Variants in CDH4 observed in about 807,000 individuals in gnomAD.
CDH4 encodes the protein cadherin 4.
CDH4 carries 33 observed loss-of-function variants against 86.0 expected under a neutral mutation model. That is an observed-to-expected ratio of 0.38 (90% CI 0.29 to 0.51). The LOEUF (loss-of-function observed/expected upper bound fraction) is 0.51. CDH4 is among the 20% of genes least tolerant of loss of function. CDH4 has a pLI of 0.86. For synonymous variants in CDH4, 555 were observed against 549.4 expected (o/e 1.01, Z -0.14); for missense variants, 1,114 against 1,307.4 (o/e 0.85, Z 2.28).
chr20:61,778,608 C>T (rs1978371350), intron 4 of CDH4, among the ~76,000 whole-genome samples: 1 of 152,018 alleles, frequency 6.6e-6, no homozygotes, highest in Admixed American at 6.5e-5. Flanking sequence ...GGTGGTTCTG[C>T]CACTGGAATC....
chr20:61,679,072 G>T (rs942053092), intron 2 of CDH4, among the ~76,000 whole-genome samples: 1 of 152,162 alleles, frequency 6.6e-6, no homozygotes, highest in Non-Finnish European at 1.5e-5. Flanking sequence ...TGTTCCTGCC[G>T]CACCCAGAGC....
At chr20:61,886,713 C>T (rs1390409807) in intron 7 of CDH4, among the ~76,000 whole-genome samples, 2 of 152,176 alleles carry the variant, frequency 1.3e-5, no homozygotes, top group Non-Finnish European at 2.9e-5. Flanking sequence ...CACTTGCTGG[C>T]CTCCAGAGCA....
At chr20:61,722,569 G>C (rs974589082) in intron 2 of CDH4, among the ~76,000 whole-genome samples, 1 of 152,176 alleles carries the variant, frequency 6.6e-6, no homozygotes, top group Admixed American at 6.5e-5. Flanking sequence ...ACTGGCCATC[G>C]TGGAAGCAGA....
chr20:61,397,482 C>G (rs1286582103), intron 2 of CDH4, among the ~76,000 whole-genome samples: 2 of 152,044 alleles, frequency 1.3e-5, no homozygotes, highest in African/African-American at 2.4e-5. Flanking sequence ...GAGGGCTTTC[C>G]CAACGAGACC....
intron 2 of CDH4, among the ~76,000 whole-genome samples, chr20:61,514,991 G>A (rs1291778681): frequency 6.6e-6 from 1 of 152,188 alleles, no homozygotes; most frequent in Non-Finnish European, 1.5e-5. Flanking sequence ...GGCACGGCTG[G>A]GCCTCTGCCC....
chr20:61,477,982 A>G (rs2085548771), intron 2 of CDH4, among the ~76,000 whole-genome samples: 1 of 152,200 alleles, frequency 6.6e-6, no homozygotes, highest in Non-Finnish European at 1.5e-5. Context: ...ACACCAACAT[A>G]GTTTATGAGA....
chr20:61,769,099 C>T (rs571586751), intron 3 of CDH4, among the ~76,000 whole-genome samples: 7 of 152,294 alleles, frequency 4.6e-5, no homozygotes, highest in South Asian at 4.1e-4. Context: ...AGGCTCCCCT[C>T]GCCCTCATCT....
intron 2 of CDH4, among the ~76,000 whole-genome samples, chr20:61,430,086 A>G (rs1371669138): frequency 1.3e-5 from 2 of 152,230 alleles, no homozygotes; most frequent in African/African-American, 4.8e-5. Flanking sequence ...ATTTCCAGCA[A>G]GCTCCCAGGG....
At chr20:61,780,811 A>G (rs1222102262) in intron 4 of CDH4, among the ~76,000 whole-genome samples, 3 of 152,182 alleles carry the variant, frequency 2.0e-5, no homozygotes, top group Non-Finnish European at 4.4e-5. Context: ...CTTCCCTCTG[A>G]GGGCACCATC....
rs919412042 is a variant in CDH4, at chr20:61,544,146, G to A, written c.170-199417G>A. Among the ~76,000 whole-genome samples, 15 of 152,266 alleles carry A rather than the reference G, an allele frequency of 9.9e-5. No individual in the cohort carries two copies. In the South Asian group the frequency reaches 1.0e-3, roughly 11 times the overall value. On this transcript the variant is annotated intron_variant, in intron 2 of 15. Transcript: ENST00000614565. The surrounding 1 kb of genome is among the most constrained non-coding windows in gnomAD (Gnocchi z 6.5). ...ACTACACTGTGTGGTCCGGTCCCACGGCCATGTGGTCTCTTTAGATCTGCG... is the reference window on the plus strand; with the variant it reads ...ACTACACTGTGTGGTCCGGTCCCACAGCCATGTGGTCTCTTTAGATCTGCG...
chr20:61,699,614 A>C (rs2087752388), intron 2 of CDH4, among the ~76,000 whole-genome samples: 1 of 152,212 alleles, frequency 6.6e-6, no homozygotes, highest in South Asian at 2.1e-4. Context: ...AGGCTGGATG[A>C]CATCACCCCA....
intron 2 of CDH4, among the ~76,000 whole-genome samples, chr20:61,266,539 C>G (rs2084159196): frequency 6.6e-6 from 1 of 151,688 alleles, no homozygotes; most frequent in Non-Finnish European, 1.5e-5. Context: ...CATGAGTTTG[C>G]TAGGTATGAA....
chr20:61,558,084 A>G (rs2086190633), intron 2 of CDH4, among the ~76,000 whole-genome samples: 1 of 152,178 alleles, frequency 6.6e-6, no homozygotes. Flanking sequence ...CACTTTCATT[A>G]AATTCTGAAC....
At chr20:61,598,773 C>G (rs1479933233) in intron 2 of CDH4, among the ~76,000 whole-genome samples, 2 of 152,204 alleles carry the variant, frequency 1.3e-5, no homozygotes, top group Non-Finnish European at 2.9e-5. Context: ...ACCCGAGGGA[C>G]TGGCTGCGGG....
intron 15 of CDH4, among the ~76,000 whole-genome samples, chr20:61,934,639 T>C (rs4925317): frequency 0.83 from 125,580 of 152,130 alleles, 52,570 homozygotes; most frequent in Middle Eastern, 0.92. Flanking sequence ...CCGCTGTGAA[T>C]GGCCTTCCCG....
At chr20:61,344,909 A>C (rs1254008709) in intron 2 of CDH4, among the ~76,000 whole-genome samples, 1 of 152,228 alleles carries the variant, frequency 6.6e-6, no homozygotes, top group Non-Finnish European at 1.5e-5. Flanking sequence ...CCTTTGAAAC[A>C]AAGTCAGGTT....
chr20:61,817,336 G>A (rs900755294), intron 4 of CDH4, among the ~76,000 whole-genome samples: 6 of 152,206 alleles, frequency 3.9e-5, no homozygotes, highest in South Asian at 2.1e-4. Context: ...GCCTTGCTAC[G>A]CTGCCGCCTC....
At chr20:61,545,930 TGGAGGGG>T (rs1600745442) in intron 2 of CDH4, among the ~76,000 whole-genome samples, 272 of 132,394 alleles carry the variant, frequency 2.1e-3, no homozygotes, top group Middle Eastern at 0.014. Flanking sequence ...TGTGCATGTG[TGGAGGGG>T]GTATGTGGGA....
chr20:61,564,449 G>A (rs1371871711), intron 2 of CDH4, among the ~76,000 whole-genome samples: 1 of 152,162 alleles, frequency 6.6e-6, no homozygotes, highest in Non-Finnish European at 1.5e-5. Context: ...TCGGTGCTGA[G>A]TGAGTTCTCG....
Sources: allele counts gnomAD v4.1 joint callset (sites outside exome capture counted in the v4.1 genomes callset), GRCh38; gene constraint gnomAD v4.1.1; non-coding constraint Gnocchi (gnomAD v3.1); transcripts MANE v1.5; gene names NCBI Gene and HGNC (gene_info 2026-07-23, HGNC 2026-07-21).